The following SENP6 variants were observed in gnomAD, a reference collection of about 807,000 sequenced individuals.
The protein encoded by SENP6 is SUMO specific peptidase 6.
SENP6 carries 41 observed loss-of-function variants against 134.5 expected under a neutral mutation model. That is an observed-to-expected ratio of 0.30 (90% CI 0.24 to 0.40). The LOEUF is 0.40. SENP6 is among the 10% of genes least tolerant of loss of function. SENP6 has a pLI of 1.00. For synonymous variants in SENP6, 395 were observed against 429.8 expected (o/e 0.92, Z 1.00); for missense variants, 1,248 against 1,312.5 (o/e 0.95, Z 0.76).
At chr6:75,661,560 A>AGCAATAATTGG in intron 8 of SENP6, among the ~76,000 whole-genome samples, 1 of 152,240 alleles carries the variant, frequency 6.6e-6, no homozygotes, top group African/African-American at 2.4e-5. Flanking sequence ...TATTAAACAC[A>AGCAATAATTGG]GCAATAATTG....
At chr6:75,643,676 A>G (rs913032594) in intron 6 of SENP6, among the ~76,000 whole-genome samples, 7 of 152,186 alleles carry the variant, frequency 4.6e-5, no homozygotes, top group Admixed American at 4.6e-4. Flanking sequence ...AAGCCAAGAT[A>G]GTGCCACTGC....
At chr6:75,618,938 CT>C (rs1030136255) in intron 1 of SENP6, among the ~76,000 whole-genome samples, 70 of 139,528 alleles carry the variant, frequency 5.0e-4, no homozygotes, top group Non-Finnish European at 6.7e-4. Flanking sequence ...ATTTCTGAAA[CT>C]TTTTTTTTTT....
At chr6:75,666,205 GAT>G (rs1198190834) in intron 9 of SENP6, among the ~76,000 whole-genome samples, 2 of 120,358 alleles carry the variant, frequency 1.7e-5, no homozygotes, top group South Asian at 2.6e-4. Flanking sequence ...ACGTATATAT[GAT>G]ATATATAAGT....
chr6:75,623,478 G>A (rs554699702), intron 2 of SENP6, among the ~76,000 whole-genome samples: 3 of 152,154 alleles, frequency 2.0e-5, no homozygotes, highest in Non-Finnish European at 4.4e-5. Flanking sequence ...CATTAGCTAA[G>A]GCTTTCTTTC....
At chr6:75,691,888 CT>C (rs2149891671) in intron 16 of SENP6, among the ~76,000 whole-genome samples, 1 of 152,110 alleles carries the variant, frequency 6.6e-6, no homozygotes, top group East Asian at 1.9e-4. Context: ...TGGAGTTTCA[CT>C]CTCGTTGTCC....
chr6:75,702,999 C>T lies in SENP6; in HGVS notation c.2643C>T (p.Ser881=), dbSNP rs1205543047. ...NEEFNKGEST[S]QKVADRTKSE... is the part of the protein sequence containing the mutation. The stretch of plus-strand genomic sequence containing the variant: ...AATTCAATAAAGGAGAATCTACATC[C>T]CAGAAAGTTGCTGATAGGACTAAAA... Residue 881 remains serine, a synonymous_variant, in exon 19 of 24, where the codon TCC becomes TCT. Transcript: ENST00000447266. 6.2e-7 allele frequency: 1 copy of T among 1,613,564 alleles called. No homozygotes were observed. The highest frequency in any genetic ancestry group is 8.5e-7 in the Non-Finnish European group (1 of 1,179,884).
intron 1 of SENP6, among the ~76,000 whole-genome samples, chr6:75,620,237 T>A (rs1379629197): frequency 1.3e-5 from 2 of 152,194 alleles, no homozygotes; most frequent in African/African-American, 2.4e-5. Flanking sequence ...CATGGCCTTG[T>A]AAGTTGTGAA....
intron 18 of SENP6, among the ~76,000 whole-genome samples, chr6:75,699,215 A>C (rs1034911751): frequency 6.7e-6 from 1 of 149,968 alleles, no homozygotes; most frequent in Non-Finnish European, 1.5e-5. Context: ...CCTCTTAGTC[A>C]CTATACCTCT....
intron 1 of SENP6, chr6:75,611,138 A>G (rs1386204761): frequency 1.3e-5 from 2 of 152,206 alleles, no homozygotes; most frequent in Non-Finnish European, 2.9e-5. Context: ...GACAAGATGA[A>G]GGTACTACTT....
intron 6 of SENP6, 83 bp downstream of exon 6, chr6:75,640,787 GAATTAGAGTTTAT>G: frequency 1.2e-6 from 1 of 810,448 alleles, no homozygotes; most frequent in South Asian, 2.5e-5. Flanking sequence ...AATATTGGTT[GAATTAGAGTTTAT>G]AATTAAAGCT....
chr6:75,618,981 A>G (rs1768058385), intron 1 of SENP6, among the ~76,000 whole-genome samples: 1 of 143,818 alleles, frequency 7.0e-6, no homozygotes, highest in African/African-American at 2.6e-5. Flanking sequence ...TATTTTTTAG[A>G]GAGGATTTAT....
Position 75,715,590 on chromosome 6 carries a change from A to G in SENP6, c.3335A>G (p.Asp1112Gly). ...GTEQYVNSIS[D>G] ...GAACAATATGTCAATAGTATCTCAG[A>G]TTGACCATTTCTGTTACTTGTCATT... Residue 1112 changes from aspartate (D) to glycine (G), a missense_variant, in exon 24 of 24, where the codon GAT (aspartate) becomes GGT (glycine). Asp to Gly is a moderately conservative substitution (Grantham distance 94). Transcript: ENST00000447266. The G allele has an allele frequency of 3.7e-6, 6 of 1,604,458 alleles. No individual in the cohort carries two copies. Among genetic ancestry groups the G allele is most frequent in the Non-Finnish European group, 5.1e-6 (6 of 1,174,606 alleles).
At chr6:75,700,959 C>T (rs1774983953) in intron 18 of SENP6, among the ~76,000 whole-genome samples, 2 of 152,110 alleles carry the variant, frequency 1.3e-5, no homozygotes, top group South Asian at 4.1e-4. Flanking sequence ...TAATGAAGAA[C>T]AGGAGAGAAG....
At chr6:75,635,788 G>A (rs1485989891) in intron 5 of SENP6, among the ~76,000 whole-genome samples, 2 of 152,146 alleles carry the variant, frequency 1.3e-5, no homozygotes, top group East Asian at 3.9e-4. Flanking sequence ...AACAATAAAA[G>A]GAGAGTAATT....
chr6:75,630,863 G>A (rs1175754990), intron 3 of SENP6, among the ~76,000 whole-genome samples: 6 of 150,334 alleles, frequency 4.0e-5, no homozygotes, highest in Non-Finnish European at 8.9e-5. Flanking sequence ...AAAAAAATCC[G>A]TAACCTATAT....
At chr6:75,699,364 T>TTG (rs1309074338) in intron 18 of SENP6, among the ~76,000 whole-genome samples, 3 of 150,278 alleles carry the variant, frequency 2.0e-5, no homozygotes, top group Non-Finnish European at 4.4e-5. Context: ...CTTTTTTTTT[T>TTG]TTTTTTTTTT....
Position 75,717,057 on chromosome 6 carries a change from G to C in SENP6, c.*1463G>C, listed in dbSNP as rs1008954121. On this transcript the variant is annotated 3_prime_UTR_variant, in exon 24 of 24. Coordinates refer to ENST00000447266, the MANE Select transcript of SENP6 (RefSeq NM_015571.4). ...GTCACCATTAGTGATATCAACTGTA[G>C]TTTGTTACTTTGAACTATATTTCTG... 6.6e-6 allele frequency: 1 copy of C among 151,888 alleles called. No homozygotes were observed. Among genetic ancestry groups the C allele is most frequent in the Non-Finnish European group, 1.5e-5 (1 of 67,834 alleles). 9.4% of individuals were successfully genotyped at this position (151,888 alleles called of 1,614,324 possible). A position where few individuals can be genotyped will look rare whatever the true frequency, so the allele number is the denominator to read the frequency against.
intron 10 of SENP6, among the ~76,000 whole-genome samples, chr6:75,668,264 A>G (rs774739886): frequency 3.9e-5 from 6 of 152,136 alleles, no homozygotes; most frequent in Non-Finnish European, 7.4e-5. Context: ...CCTTTCCCAC[A>G]TGGTAGCACG....
chr6:75,634,653 A>G (rs1031233053), intron 4 of SENP6, 54 bp from the exon 5 acceptor site: 7 of 951,892 alleles, frequency 7.4e-6, no homozygotes, highest in African/African-American at 1.7e-5. Flanking sequence ...TTTTTTATAA[A>G]TGTGTATATA....
Sources: gnomAD v4.1 joint callset for allele counts (sites outside exome capture counted in the v4.1 genomes callset) on GRCh38, gnomAD v4.1.1 for gene constraint, MANE v1.5 for transcripts, NCBI Gene and HGNC (gene_info 2026-07-23, HGNC 2026-07-21) for gene names.